Variants in CALY observed in about 807,000 individuals in gnomAD.
The protein encoded by CALY is neuron-specific vesicular protein calcyon.
In CALY, 15 loss-of-function variants were observed where a neutral mutation model predicts 20.2. That is an observed-to-expected ratio of 0.74 (90% CI 0.50 to 1.14). The LOEUF (loss-of-function observed/expected upper bound fraction) is 1.14. CALY is among the 50% of genes most tolerant of loss of function. The probability of loss-of-function intolerance (pLI) is 0.00; values close to 1 mark genes in which losing one functional copy is unlikely to be tolerated. For missense variants in CALY, 270 were observed against 304.4 expected, an observed-to-expected ratio of 0.89 and a Z score of 0.84; for synonymous variants, 129 against 131.8, an observed-to-expected ratio of 0.98 and a Z score of 0.15.
At chr10:133,327,403 A>C (rs954167373) in intron 3 of CALY, 2 of 486,106 alleles carry the variant, frequency 4.1e-6, no homozygotes, top group African/African-American at 3.9e-5. Flanking sequence ...CATGAGCTGC[A>C]GACTGGAACG....
intron 3 of CALY, 41 bp from the exon 4 acceptor site, chr10:133,327,032 G>A: frequency 6.9e-7 from 1 of 1,444,184 alleles, no homozygotes; most frequent in African/African-American, 1.4e-5. Context: ...CGCCAGGCAG[G>A]GGCGGTCTTT....
chr10:133,333,148 C>G (rs1848338558), intron 1 of CALY, among the ~76,000 whole-genome samples: 1 of 151,552 alleles, frequency 6.6e-6, no homozygotes, highest in Non-Finnish European at 1.5e-5. Flanking sequence ...AAGGGACCCG[C>G]GGTCACAGAG....
rs117404169 is a variant in CALY at position 133,324,123 on chromosome 10, T to C, written c.*1472A>G. 0.03 allele frequency: 8,820 copies of C among 297,230 alleles called. 204 individuals are homozygous for C. The highest frequency in any genetic ancestry group is 0.047 in the South Asian group (1,764 of 37,446). 18.4% of individuals were successfully genotyped at this position (297,230 alleles called of 1,614,324 possible). A position where few individuals can be genotyped will look rare whatever the true frequency, so the allele number is the denominator to read the frequency against. On this transcript the variant is annotated 3_prime_UTR_variant, in exon 6 of 6. Transcript: ENST00000252939. ...AAACATCGGCCATGCAGAGACTCCC[T>C]GCCCCCATATATCCCAGCTGACGCC...
At chr10:133,328,079 T>C (rs1455097673) in intron 2 of CALY, 64 bp from the exon 3 acceptor site, 3 of 976,614 alleles carry the variant, frequency 3.1e-6, no homozygotes, top group Non-Finnish European at 4.8e-6. Flanking sequence ...AGCCCTGAAC[T>C]GAGAGGGGAG....
At chr10:133,326,391 C>A in intron 4 of CALY, 1 of 830,014 alleles carries the variant, frequency 1.2e-6, no homozygotes, top group South Asian at 1.5e-5. Context: ...CTGCGGAGCG[C>A]GCTCCAGAGC....
chr10:133,335,371 C>A (rs770982828), intron 1 of CALY, among the ~76,000 whole-genome samples: 17 of 152,188 alleles, frequency 1.1e-4, no homozygotes, highest in Non-Finnish European at 1.8e-4. Context: ...CCCGAACCCC[C>A]GCTCGGGCAG....
chr10:133,335,425 C>T (rs944379715), intron 1 of CALY, among the ~76,000 whole-genome samples: 2 of 152,170 alleles, frequency 1.3e-5, no homozygotes. Context: ...CCCCTTCGAG[C>T]CAAACTTCAA....
intron 4 of CALY, 54 bp downstream of exon 4, chr10:133,326,824 G>A (rs2136167701): frequency 8.2e-7 from 1 of 1,221,224 alleles, no homozygotes; most frequent in East Asian, 2.4e-5. Flanking sequence ...CTGCCTGGAG[G>A]CTACGGGAGG....
chr10:133,324,937 C>A lies in CALY; in HGVS notation c.*658G>T. The A allele has an allele frequency of 1.4e-5, 3 of 211,890 alleles. No homozygotes were observed. Among genetic ancestry groups the A allele is most frequent in the South Asian group, 6.0e-5 (1 of 16,664 alleles). The allele number at this position is 211,890 out of a possible 1,614,324, so 13.1% of individuals were successfully genotyped here. A position where few individuals can be genotyped will look rare whatever the true frequency, so the allele number is the denominator to read the frequency against. On this transcript the variant is annotated 3_prime_UTR_variant, in exon 6 of 6. Transcript: ENST00000252939. Reference sequence around the variant, plus strand: ...AGGCCCCACTCCCCACTCAGACGCCCCCATTCACTCCTTTCTTCACTTGGT... The same window carrying A: ...AGGCCCCACTCCCCACTCAGACGCCACCATTCACTCCTTTCTTCACTTGGT...
chr10:133,326,855 C>G (rs760053903), intron 4 of CALY, 23 bp downstream of exon 4: 10 of 1,532,816 alleles, frequency 6.5e-6, no homozygotes, highest in African/African-American at 1.4e-5. Context: ...CTACACCCCC[C>G]ACCAGAGCCC....
chr10:133,326,844 T>C, intron 4 of CALY, 34 bp downstream of exon 4: 13 of 1,463,232 alleles, frequency 8.9e-6, no homozygotes, highest in Non-Finnish European at 1.2e-5. Context: ...GAGGGGCGGC[T>C]CTACACCCCC....
chr10:133,329,016 A>G lies in CALY; in HGVS notation c.-20-7T>C. Reference sequence around the variant, plus strand: ...GTGGATGGCAGTCCTTGTCCTGTCCAAAGACAGACAGAGTCACTGCCCACA... The same window carrying G: ...GTGGATGGCAGTCCTTGTCCTGTCCGAAGACAGACAGAGTCACTGCCCACA... On this transcript the variant is annotated splice_region_variant and splice_polypyrimidine_tract_variant and intron_variant, in intron 1 of 5. Transcript: ENST00000252939. The G allele has an allele frequency of 6.5e-7, 1 of 1,532,094 alleles. No individual in the cohort carries two copies. Among genetic ancestry groups the G allele is most frequent in the Non-Finnish European group, 8.8e-7 (1 of 1,136,482 alleles). 94.9% of individuals were successfully genotyped at this position (1,532,094 alleles called of 1,614,324 possible).
intron 1 of CALY, among the ~76,000 whole-genome samples, chr10:133,329,392 CT>C (rs112012967): frequency 5.6e-4 from 77 of 137,328 alleles, no homozygotes; most frequent in Middle Eastern, 3.6e-3. Context: ...TCTTCTTCTT[CT>C]TTTTTTTTTT....
At chr10:133,328,146 G>A in intron 2 of CALY, 131 bp from the exon 3 acceptor site, 1 of 652,144 alleles carries the variant, frequency 1.5e-6, no homozygotes, top group Admixed American at 2.8e-5. Context: ...TCCCAGGACT[G>A]TCTGGTGGAT....
intron 1 of CALY, among the ~76,000 whole-genome samples, chr10:133,330,443 G>A (rs1848284910): frequency 6.7e-6 from 1 of 149,652 alleles, no homozygotes; most frequent in African/African-American, 2.5e-5. Flanking sequence ...GGGTCACGAG[G>A]TCAGGAGATC....
chr10:133,332,670 G>C (rs1380709726), intron 1 of CALY, among the ~76,000 whole-genome samples: 1 of 152,170 alleles, frequency 6.6e-6, no homozygotes. Context: ...TCTGAGTGAG[G>C]GGTGCCTTTG....
intron 1 of CALY, among the ~76,000 whole-genome samples, chr10:133,334,679 G>A (rs1486158455): frequency 6.6e-6 from 1 of 151,946 alleles, no homozygotes; most frequent in Non-Finnish European, 1.5e-5. Flanking sequence ...AAAGAACTGA[G>A]GGGGAAGGAT....
chr10:133,325,840 G>A lies in CALY; in HGVS notation c.641C>T (p.Pro214Leu). The A allele has an allele frequency of 8.2e-7, 1 of 1,226,672 alleles. No individual in the cohort carries two copies. Among genetic ancestry groups the A allele is most frequent in the Non-Finnish European group, 1.0e-6 (1 of 985,242 alleles). 76.0% of individuals were successfully genotyped at this position (1,226,672 alleles called of 1,614,324 possible). ...ARKAAGSAAP[P>L]PAQ ...GGGCTGGAGACGTCACTGCGCGGGC[G>A]GGGGCGCCGCGCTCCCGGCCGCCTT... The change falls in exon 5 of 6, where the codon CCG (proline) becomes CTG (leucine). Residue 214 changes from proline (P) to leucine (L), a missense_variant. Transcript: ENST00000252939.
Position 133,328,107 on chromosome 10 carries a change from C to T in CALY, c.136-92G>A, listed in dbSNP as rs190439241. 29 of 785,462 alleles carry T rather than the reference C, an allele frequency of 3.7e-5. 1 individual carries two copies. Among genetic ancestry groups the T allele is most frequent in the East Asian group, 3.2e-4 (12 of 37,582 alleles). The allele number at this position is 785,462 out of a possible 1,614,324, so 48.7% of individuals were successfully genotyped here. On this transcript the variant is annotated intron_variant, in intron 2 of 5. Transcript: ENST00000252939. ...GAGGGGAGGGAGCCAGCGTCAGCTT[C>T]GTGGCAGTGGTGTTGACGCTGACCC...
Sources: gnomAD v4.1 joint callset for allele counts (sites outside exome capture counted in the v4.1 genomes callset) on GRCh38, gnomAD v4.1.1 for gene constraint, MANE v1.5 for transcripts, NCBI Gene and HGNC (gene_info 2026-07-23, HGNC 2026-07-21) for gene names.